The following GRIN1 variants were observed in gnomAD, a reference collection of about 807,000 sequenced individuals.
The protein encoded by GRIN1 is glutamate ionotropic receptor NMDA type subunit 1, also known as glutamate receptor ionotropic, NMDA 1.
GRIN1 carries 38 observed loss-of-function variants against 103.0 expected under a neutral mutation model. The ratio of observed to expected loss-of-function variants is 0.37; its 90% CI spans 0.28 to 0.48. The LOEUF is 0.48. Among genes scored for constraint, GRIN1 ranks in the 20% least tolerant of loss-of-function variants. The pLI is 0.98. For missense variants in GRIN1, 577 were observed against 1,288.9 expected (o/e 0.45, Z 8.46); for synonymous variants, 544 against 532.7 (o/e 1.02, Z -0.29).
intron 2 of GRIN1, among the ~76,000 whole-genome samples, chr9:137,144,642 T>C (rs1832388743): frequency 6.8e-6 from 1 of 147,990 alleles, no homozygotes; most frequent in Admixed American, 6.7e-5. Context: ...GCGAGACTGT[T>C]TAAAAAAAAA....
At chr9:137,165,144 C>T (rs1258002033) in intron 18 of GRIN1, 42 bp from the exon 19 acceptor site, 1 of 1,392,020 alleles carries the variant, frequency 7.2e-7, no homozygotes, top group Non-Finnish European at 1.0e-6. Context: ...CAGGTGTGGC[C>T]ACCACCCTAG....
rs1185804464 is a variant in GRIN1, at chr9:137,167,753, C to T, written c.*226C>T. ...AGCGTGGGGCTAACGGGCGCCTTGT[C>T]TGTGTATTTCTATTTTGCAGCAGTA... On this transcript the variant is annotated 3_prime_UTR_variant, in exon 20 of 20. Coordinates refer to ENST00000371561, the MANE Select transcript of GRIN1 (RefSeq NM_007327.4). 3 of 1,611,446 alleles carry T rather than the reference C, an allele frequency of 1.9e-6. No individual in the cohort carries two copies. The highest frequency in any genetic ancestry group is 2.5e-6 in the Non-Finnish European group (3 of 1,179,232).
chr9:137,168,031 C>A lies in GRIN1; in HGVS notation c.*504C>A. ...TGGACCAAGGTGCGGACCGGAGCGG[C>A]TGAGGACGGGGCAGAGCTGAGTCGG... On this transcript the variant is annotated 3_prime_UTR_variant, in exon 20 of 20. Transcript: ENST00000371561. 1 of 659,138 alleles carries A rather than the reference C, an allele frequency of 1.5e-6. No individual in the cohort carries two copies. The highest frequency in any genetic ancestry group is 2.7e-6 in the Non-Finnish European group (1 of 368,734). The allele number at this position is 659,138 out of a possible 1,614,324, so 40.8% of individuals were successfully genotyped here. A position where few individuals can be genotyped will look rare whatever the true frequency, so the allele number is the denominator to read the frequency against.
intron 3 of GRIN1, among the ~76,000 whole-genome samples, chr9:137,147,430 GCA>G (rs1832606415): frequency 6.6e-6 from 1 of 151,202 alleles, no homozygotes; most frequent in African/African-American, 2.4e-5. Context: ...ACGTGCACAG[GCA>G]CACACATGCA....
intron 13 of GRIN1, 26 bp downstream of exon 13, chr9:137,162,542 T>C (rs772901131): frequency 6.2e-7 from 1 of 1,610,632 alleles, no homozygotes; most frequent in Admixed American, 1.7e-5. Context: ...GCCCGCCTGG[T>C]CCCGCCTCGG....
intron 17 of GRIN1, 37 bp downstream of exon 17, chr9:137,163,705 C>A: frequency 6.2e-7 from 1 of 1,613,220 alleles, no homozygotes. Flanking sequence ...GTGGGTTCTC[C>A]GTGGGCTGCG....
intron 11 of GRIN1, 28 bp downstream of exon 11, chr9:137,162,116 C>CTGGGGGGGGGGGGGGGGGGGGG: frequency 2.4e-6 from 1 of 419,736 alleles, no homozygotes; most frequent in Non-Finnish European, 4.4e-6. Flanking sequence ...GGCGGGGTGG[C>CTGGGGGGGGGGGGGGGGGGGGG]GGCGGGGGGA....
rs138380793 is a variant in GRIN1, at chr9:137,151,899, C to CTTT, written c.671+2809_671+2811dup. 1.7e-3 allele frequency among the ~76,000 whole-genome samples: 158 copies of CTTT among 93,430 alleles called. 5 individuals are homozygous for CTTT. Among genetic ancestry groups the CTTT allele is most frequent in the East Asian group, 3.5e-3 (10 of 2,862 alleles). 61.3% of individuals were successfully genotyped at this position (93,430 alleles called of 152,430 possible). A position where few individuals can be genotyped will look rare whatever the true frequency, so the allele number is the denominator to read the frequency against. On this transcript the variant is annotated intron_variant, in intron 4 of 19. Transcript: ENST00000371561. The stretch of plus-strand genomic sequence containing the variant: ...CAGACTGGTCTCGAACTTGTGGCCT[C>CTTT]TTTTTTTTTTTTTTTTTTTTTCTTT...
Position 137,146,389 on chromosome 9 carries a change from C to A in GRIN1, c.570+487C>A, listed in dbSNP as rs1348417854. 6.6e-6 allele frequency among the ~76,000 whole-genome samples: 1 copy of A among 152,014 alleles called. No individual in the cohort carries two copies. Among genetic ancestry groups the A allele is most frequent in the Non-Finnish European group, 1.5e-5 (1 of 67,964 alleles). On this transcript the variant is annotated intron_variant, in intron 3 of 19. Coordinates refer to ENST00000371561, the MANE Select transcript of GRIN1 (RefSeq NM_007327.4). This position sits in a 1 kb window ranked among gnomAD's most constrained non-coding sequence, Gnocchi z 6.7. ...CCCCCGCGTGGCCTCCCCTGAAGCT[C>A]TGCACCTCATGGCTCAGCAAAGCCC...
chr9:137,164,099 C>G (rs1833723985), intron 18 of GRIN1, 195 bp downstream of exon 18: 2 of 701,674 alleles, frequency 2.9e-6, no homozygotes, highest in Middle Eastern at 3.8e-4. Flanking sequence ...CAGGTGGCTG[C>G]CCACTGCAAA....
intron 4 of GRIN1, among the ~76,000 whole-genome samples, chr9:137,154,166 C>A (rs1345180683): frequency 6.6e-6 from 1 of 150,704 alleles, no homozygotes; most frequent in Non-Finnish European, 1.5e-5. Context: ...GCTCTGTCAC[C>A]CAGGCTGGAG....
At chr9:137,164,876 C>A (rs1274534435) in intron 18 of GRIN1, 2 of 412,870 alleles carry the variant, frequency 4.8e-6, no homozygotes, top group East Asian at 5.3e-5. Flanking sequence ...TCAGAGGACT[C>A]CTCCTCCTCG....
rs1588734042 is a variant in GRIN1 at position 137,163,164 on chromosome 9, G to A, written c.2172-5G>A. ...AGGCCCCCGTGACTCCGCCTCTGCCGGCAGCAAGCTGCATGCCTTCATCTG... is the reference window on the plus strand; with the variant it reads ...AGGCCCCCGTGACTCCGCCTCTGCCAGCAGCAAGCTGCATGCCTTCATCTG... On this transcript the variant is annotated splice_polypyrimidine_tract_variant and splice_region_variant and intron_variant, in intron 15 of 19. Coordinates refer to ENST00000371561, the MANE Select transcript of GRIN1 (RefSeq NM_007327.4). 1 of 1,612,690 alleles carries A rather than the reference G, an allele frequency of 6.2e-7. No individual in the cohort carries two copies. Among genetic ancestry groups the A allele is most frequent in the East Asian group, 2.2e-5 (1 of 44,872 alleles).
rs199720207 is a variant in GRIN1 at position 137,145,839 on chromosome 9, C to G, written c.507C>G (p.Asp169Glu). The change falls in exon 3 of 20, where the codon GAC becomes GAG. Residue 169 changes from aspartate (D) to glutamate (E), a missense_variant. This residue lies in a region of GRIN1 where 308 missense variants were observed against 553.6 expected (regional missense o/e 0.56). Coordinates refer to ENST00000371561, the MANE Select transcript of GRIN1 (RefSeq NM_007327.4). ...ACCACATCATCCTGCTGGTCAGCGA[C>G]GACCACGAGGGCCGGGCGGCTCAGA... ...SWNHIILLVS[D>E]DHEGRAAQKR... The G allele has an allele frequency of 2.5e-6, 4 of 1,612,332 alleles. No individual in the cohort carries two copies. Among genetic ancestry groups the G allele is most frequent in the Non-Finnish European group, 3.4e-6 (4 of 1,179,208 alleles).
intron 8 of GRIN1, among the ~76,000 whole-genome samples, chr9:137,159,521 C>G (rs1833415917): frequency 6.6e-6 from 1 of 152,216 alleles, no homozygotes; most frequent in Non-Finnish European, 1.5e-5. Context: ...GCTCTGCAGA[C>G]AGGGTGGGGT....
chr9:137,139,855 C>A lies in GRIN1; in HGVS notation c.258+111C>A. The A allele has an allele frequency of 3.4e-6, 3 of 871,698 alleles. No homozygotes were observed. In the South Asian group the frequency reaches 4.3e-5, roughly 12 times the overall value. The allele number at this position is 871,698 out of a possible 1,614,324, so 54.0% of individuals were successfully genotyped here. A position where few individuals can be genotyped will look rare whatever the true frequency, so the allele number is the denominator to read the frequency against. ...CCCCCTTCCTCCCTGTAAGACACCA[C>A]CCCAGAGTCAGCTGGCTGCTTCCGG... is the stretch of plus-strand genomic sequence containing the variant. On this transcript the variant is annotated intron_variant, in intron 1 of 19. Coordinates refer to ENST00000371561, the MANE Select transcript of GRIN1 (RefSeq NM_007327.4). This position sits in a 1 kb window ranked among gnomAD's most constrained non-coding sequence, Gnocchi z 7.7.
chr9:137,141,695 G>C (rs569106191), intron 1 of GRIN1, among the ~76,000 whole-genome samples: 1 of 152,098 alleles, frequency 6.6e-6, no homozygotes, highest in Admixed American at 6.5e-5. Context: ...CATCCTCCCC[G>C]GTCCACCTTG....
At position 137,139,474 on chromosome 9, in the gene GRIN1, G is replaced by T. The variant is rs1415304677; in HGVS notation, c.-13G>T. 6.4e-7 allele frequency: 1 copy of T among 1,556,596 alleles called. No individual in the cohort carries two copies. The highest frequency in any genetic ancestry group is 8.7e-7 in the Non-Finnish European group (1 of 1,151,572). On this transcript the variant is annotated 5_prime_UTR_variant, in exon 1 of 20. Transcript: ENST00000371561. The surrounding 1 kb of genome is among the most constrained non-coding windows in gnomAD (Gnocchi z 7.7). ...GTTCGCGCCGCGCAGAGCCAGGCCC[G>T]CGGCCCGAGCCCATGAGCACCATGC...
chr9:137,154,130 T>TG lies in GRIN1; in HGVS notation c.672-2539_672-2538insG, dbSNP rs1833080907. Among the ~76,000 whole-genome samples, 2 of 149,778 alleles carry TG rather than the reference T, an allele frequency of 1.3e-5. 1 individual carries two copies. The highest frequency in any genetic ancestry group is 4.3e-4 in the South Asian group (2 of 4,696). ...CCTGCCTTTTTTTTTTTCTTTTTTT[T>TG]TTGTGTGTGTGTGTGAGACAGTCTT... On this transcript the variant is annotated intron_variant, in intron 4 of 19. Coordinates refer to ENST00000371561, the MANE Select transcript of GRIN1 (RefSeq NM_007327.4).
Sources: gnomAD v4.1 joint callset for allele counts (sites outside exome capture counted in the v4.1 genomes callset) on GRCh38, gnomAD v4.1.1 for gene constraint, gnomAD v4.1.1 regional missense constraint, Gnocchi (gnomAD v3.1) non-coding constraint, MANE v1.5 for transcripts, NCBI Gene and HGNC (gene_info 2026-07-23, HGNC 2026-07-21) for gene names.